The following PXDNL variants were observed in gnomAD, a reference collection of about 807,000 sequenced individuals.
PXDNL encodes the protein probable oxidoreductase PXDNL.
PXDNL carries 145 observed loss-of-function variants against 150.8 expected under a neutral mutation model. The observed-to-expected ratio is 0.96, with a 90% CI of 0.84 to 1.10. PXDNL has a LOEUF of 1.10. Among genes scored for constraint, PXDNL ranks in the 50% least tolerant of loss-of-function variants. The pLI, the probability that PXDNL is intolerant of heterozygous loss-of-function variation, is 0.00. For synonymous variants in PXDNL, 757 were observed against 725.7 expected, an observed-to-expected ratio of 1.04 and a Z score of -0.69; for missense variants, 2,087 against 1,873.9, an observed-to-expected ratio of 1.11 and a Z score of -2.10.
At chr8:51,768,203 T>C (rs1417925996) in intron 1 of PXDNL, among the ~76,000 whole-genome samples, 1 of 152,204 alleles carries the variant, frequency 6.6e-6, no homozygotes, top group Non-Finnish European at 1.5e-5. Context: ...TGAAAACCTT[T>C]AGTTAATTTC....
intron 1 of PXDNL, among the ~76,000 whole-genome samples, chr8:51,774,004 G>A (rs1329378830): frequency 6.6e-6 from 1 of 152,198 alleles, no homozygotes; most frequent in African/African-American, 2.4e-5. Flanking sequence ...TAGTTAATAT[G>A]TAGAATAGAA....
intron 2 of PXDNL, among the ~76,000 whole-genome samples, chr8:51,631,957 A>C (rs950552734): frequency 2.0e-5 from 3 of 152,170 alleles, no homozygotes; most frequent in African/African-American, 7.2e-5. Flanking sequence ...GGTATAAAAC[A>C]TACAGAAAAC....
At chr8:51,455,131 A>AAAAAAAAAAAAAAAAAAAAAAAAAAAG (rs1188033805) in intron 9 of PXDNL, among the ~76,000 whole-genome samples, 1 of 91,824 alleles carries the variant, frequency 1.1e-5, no homozygotes, top group African/African-American at 7.4e-5. Flanking sequence ...AAAAAAAAAA[A>AAAAAAAAAAAAAAAAAAAAAAAAAAAG]AAGAGGTAAG....
intron 1 of PXDNL, among the ~76,000 whole-genome samples, chr8:51,668,172 C>CTTTTTTTTTTTTTTTTT (rs765738861): frequency 7.7e-5 from 2 of 26,112 alleles, no homozygotes; most frequent in Non-Finnish European, 1.3e-4. Flanking sequence ...CCTTCTCGCT[C>CTTTTTTTTTTTTTTTTT]TCTCTTTTTT....
intron 1 of PXDNL, among the ~76,000 whole-genome samples, chr8:51,746,691 G>T (rs938513958): frequency 6.6e-6 from 1 of 152,106 alleles, no homozygotes; most frequent in Non-Finnish European, 1.5e-5. Context: ...ATGTCTATTT[G>T]TTGCTTCTTG....
chr8:51,739,875 C>CAA (rs10626496), intron 1 of PXDNL, among the ~76,000 whole-genome samples: 31,293 of 131,618 alleles, frequency 0.24, 4,339 homozygotes, highest in East Asian at 0.44. Flanking sequence ...GATTCTGTCT[C>CAA]AAAAAAAAAA....
At chr8:51,337,518 A>G (rs1054112352) in intron 21 of PXDNL, among the ~76,000 whole-genome samples, 23 of 152,162 alleles carry the variant, frequency 1.5e-4, no homozygotes, top group African/African-American at 5.5e-4. Flanking sequence ...CACCCCAACC[A>G]TTGCATGCTA....
At chr8:51,534,996 G>A (rs1425345878) in intron 4 of PXDNL, among the ~76,000 whole-genome samples, 3 of 118,480 alleles carry the variant, frequency 2.5e-5, no homozygotes, top group East Asian at 5.9e-4. Flanking sequence ...CCGGCCAGCC[G>A]CCCTATCCAG....
At chr8:51,705,519 GAGA>G (rs1816358340) in intron 1 of PXDNL, among the ~76,000 whole-genome samples, 1 of 152,204 alleles carries the variant, frequency 6.6e-6, no homozygotes, top group Non-Finnish European at 1.5e-5. Context: ...AACTCTGAGG[GAGA>G]AGAAGGAGAA....
At chr8:51,620,200 A>G (rs753469883) in intron 2 of PXDNL, among the ~76,000 whole-genome samples, 7 of 152,250 alleles carry the variant, frequency 4.6e-5, no homozygotes, top group Non-Finnish European at 1.0e-4. Flanking sequence ...AAATTTGTCA[A>G]TGAATTGAGA....
In PXDNL at chr8:51,643,415, C is replaced by A. The variant is rs568801466; in HGVS notation, c.236+11274G>T. On this transcript the variant is annotated intron_variant, in intron 2 of 22. Coordinates refer to ENST00000356297, the MANE Select transcript of PXDNL (RefSeq NM_144651.5). ...ACATCTACAACCATCTGATCTTTGA[C>A]AAACCTGACAAAAACAAGCAATGGG... Among the ~76,000 whole-genome samples the A allele has an allele frequency of 3.3e-5, 5 of 152,234 alleles. No homozygotes were observed. In the East Asian group the frequency reaches 7.7e-4, roughly 23 times the overall value.
At chr8:51,628,399 C>CTTTTTTTTTTTTTTTTTT (rs71550276) in intron 2 of PXDNL, among the ~76,000 whole-genome samples, 42 of 69,790 alleles carry the variant, frequency 6.0e-4, no homozygotes, top group African/African-American at 9.4e-4. Flanking sequence ...CTTTTCTTTT[C>CTTTTTTTTTTTTTTTTTT]TTTTTTTTTT....
At chr8:51,797,687 A>G (rs2037575657) in intron 1 of PXDNL, among the ~76,000 whole-genome samples, 1 of 151,614 alleles carries the variant, frequency 6.6e-6, no homozygotes, top group Non-Finnish European at 1.5e-5. Flanking sequence ...ACACAAACAA[A>G]TGGAAAAACA....
chr8:51,426,844 A>G (rs1241837173), intron 12 of PXDNL, 86 bp from the exon 13 acceptor site: 16 of 740,792 alleles, frequency 2.2e-5, no homozygotes, highest in Non-Finnish European at 3.7e-5. Context: ...ATGAACCTGA[A>G]TGCCATATTG....
At chr8:51,436,986 A>G (rs556415744) in intron 12 of PXDNL, among the ~76,000 whole-genome samples, 5 of 152,358 alleles carry the variant, frequency 3.3e-5, no homozygotes, top group African/African-American at 1.2e-4. Flanking sequence ...AAAAGAACCA[A>G]ATAAGCTCAA....
At position 51,413,169 on chromosome 8, in the gene PXDNL, G is replaced by A. The variant is rs916958611; in HGVS notation, c.1885C>T (p.Arg629Ter). ...TCTTACTGTGAAAACAAATGTCTTC[G>A]TGTGGAGTTAATTGCACTGTCAACT... ...QRVDSAINST[R>*]RHLFSQKPHT... The change falls in exon 15 of 23, where the codon CGA (arginine) becomes TGA (stop). Residue 629 changes from arginine (R) to a stop codon, truncating the protein, a stop_gained. Transcript: ENST00000356297. LOFTEE classifies it high-confidence loss of function. 2.3e-5 allele frequency: 37 copies of A among 1,594,820 alleles called. No individual in the cohort carries two copies. In the African/African-American group the frequency reaches 3.1e-4, roughly 13 times the overall value.
intron 4 of PXDNL, among the ~76,000 whole-genome samples, chr8:51,517,857 C>A (rs1330768414): frequency 6.6e-6 from 1 of 152,174 alleles, no homozygotes; most frequent in East Asian, 1.9e-4. Context: ...TCTAAATTAA[C>A]AGCTAAAGGC....
chr8:51,612,896 T>G (rs1399317003), intron 2 of PXDNL, among the ~76,000 whole-genome samples: 1 of 152,222 alleles, frequency 6.6e-6, no homozygotes, highest in Non-Finnish European at 1.5e-5. Flanking sequence ...TTCCTTGTTT[T>G]TCTACACCAT....
intron 4 of PXDNL, among the ~76,000 whole-genome samples, chr8:51,530,825 C>T (rs1401446631): frequency 6.6e-6 from 1 of 152,198 alleles, no homozygotes; most frequent in African/African-American, 2.4e-5. Flanking sequence ...AACTCTCTTT[C>T]TGCTGCTGCA....
Sources: allele counts gnomAD v4.1 joint callset (sites outside exome capture counted in the v4.1 genomes callset), GRCh38; gene constraint gnomAD v4.1.1; transcripts MANE v1.5; gene names NCBI Gene and HGNC (gene_info 2026-07-23, HGNC 2026-07-21).